Variants in UEVLD observed in about 807,000 individuals in gnomAD.
UEVLD encodes the protein ubiquitin-conjugating enzyme E2 variant 3.
In UEVLD, 47 loss-of-function variants were observed where a neutral mutation model predicts 58.6. That is an observed-to-expected ratio of 0.80 (90% CI 0.63 to 1.02). The LOEUF (loss-of-function observed/expected upper bound fraction) is 1.02. Ranked by LOEUF, UEVLD falls within the 50% of genes least tolerant of loss-of-function variation. UEVLD has a pLI of 0.00. For synonymous variants in UEVLD, 197 were observed against 195.3 expected (o/e 1.01, Z -0.07); for missense variants, 510 against 550.6 (o/e 0.93, Z 0.74).
At chr11:18,551,953 G>A in intron 7 of UEVLD, among the ~76,000 whole-genome samples, 1 of 152,100 alleles carries the variant, frequency 6.6e-6, no homozygotes, top group East Asian at 1.9e-4. Context: ...TTAAAACACT[G>A]CTGATTATTT....
chr11:18,588,478 G>C (rs1040985535), intron 1 of UEVLD, 135 bp downstream of exon 1: 2 of 1,061,952 alleles, frequency 1.9e-6, no homozygotes, highest in Non-Finnish European at 2.6e-6. Flanking sequence ...CCCCATAGCC[G>C]GTTTCAGACC....
intron 5 of UEVLD, 100 bp downstream of exon 5, chr11:18,566,246 CA>C: frequency 6.5e-7 from 1 of 1,530,426 alleles, no homozygotes; most frequent in Admixed American, 1.9e-5. Context: ...CATACGCACA[CA>C]AATTTATTTA....
In UEVLD at chr11:18,578,645, T is replaced by C. The variant is rs183136165; in HGVS notation, c.127+79A>G. 541 of 964,074 alleles carry C rather than the reference T, an allele frequency of 5.6e-4. 1 individual carries two copies. The African/African-American group carries it at 7.9e-3, about 14-fold the overall frequency. 59.7% of individuals were successfully genotyped at this position (964,074 alleles called of 1,614,324 possible). On this transcript the variant is annotated intron_variant, in intron 2 of 11. Coordinates refer to ENST00000396197, the MANE Select transcript of UEVLD (RefSeq NM_001040697.4). ...GAGGATAAAAGAGAAAAAGAGAAAT[T>C]ACAATTTTGCAGCTCTTTAGGACCA...
At chr11:18,586,040 C>G (rs1407586571) in intron 1 of UEVLD, among the ~76,000 whole-genome samples, 2 of 152,030 alleles carry the variant, frequency 1.3e-5, no homozygotes, top group Non-Finnish European at 2.9e-5. Flanking sequence ...ATGCATTGAC[C>G]CTATAGATAA....
At chr11:18,572,168 G>A (rs1590362664) in intron 3 of UEVLD, among the ~76,000 whole-genome samples, 1 of 152,084 alleles carries the variant, frequency 6.6e-6, no homozygotes, top group East Asian at 1.9e-4. Context: ...ACTGGGAGGC[G>A]GCGTTTGCAG....
At chr11:18,585,084 T>C (rs1853471978) in intron 1 of UEVLD, among the ~76,000 whole-genome samples, 1 of 152,116 alleles carries the variant, frequency 6.6e-6, no homozygotes, top group African/African-American at 2.4e-5. Context: ...TGAGATAGGG[T>C]CTTGCCATAT....
At chr11:18,545,064 C>CTATCTA (rs1554976299) in intron 8 of UEVLD, among the ~76,000 whole-genome samples, 7 of 20,224 alleles carry the variant, frequency 3.5e-4, no homozygotes, top group South Asian at 1.7e-3. Flanking sequence ...ATATCTATAT[C>CTATCTA]TATATCTATA....
intron 6 of UEVLD, among the ~76,000 whole-genome samples, chr11:18,563,342 G>C (rs983454690): frequency 1.3e-5 from 2 of 152,164 alleles, no homozygotes; most frequent in African/African-American, 4.8e-5. Context: ...TGTACTCCCA[G>C]CACTTTGGGA....
Position 18,545,446 on chromosome 11 carries a change from T to G in UEVLD, c.887-650A>C, listed in dbSNP as rs917927695. ...ATACATTTTACTGTGTTTTGTTTGT[T>G]TGTTTGTTTGTTTTTTGAGATGGAG... On this transcript the variant is annotated intron_variant, in intron 8 of 11. Transcript: ENST00000396197. Among the ~76,000 whole-genome samples the G allele has an allele frequency of 4.6e-5, 7 of 150,622 alleles. No individual in the cohort carries two copies. The East Asian group carries it at 1.4e-3, about 30-fold the overall frequency.
At chr11:18,551,848 G>A (rs191835100) in intron 7 of UEVLD, among the ~76,000 whole-genome samples, 2 of 152,264 alleles carry the variant, frequency 1.3e-5, no homozygotes, top group African/African-American at 4.8e-5. Context: ...AATCAAGTAT[G>A]TCAAAAGACC....
chr11:18,570,500 C>A, intron 3 of UEVLD, 123 bp from the exon 4 acceptor site: 1 of 903,980 alleles, frequency 1.1e-6, no homozygotes, highest in Non-Finnish European at 1.6e-6. Context: ...AATCCCAGCA[C>A]TTTGGGATGC....
chr11:18,569,140 C>T (rs202059745), intron 4 of UEVLD, among the ~76,000 whole-genome samples: 11 of 152,156 alleles, frequency 7.2e-5, no homozygotes, highest in Admixed American at 6.5e-4. Flanking sequence ...GTGATCCACC[C>T]GCCTCGGCCT....
rs1850491819 is a variant in UEVLD at position 18,529,747 on chromosome 11, A to T, written c.*2573T>A. 1.3e-5 allele frequency: 2 copies of T among 152,368 alleles called. No individual in the cohort carries two copies. Among genetic ancestry groups the T allele is most frequent in the Admixed American group, 6.5e-5 (1 of 15,306 alleles). 9.4% of individuals were successfully genotyped at this position (152,368 alleles called of 1,614,324 possible). On this transcript the variant is annotated 3_prime_UTR_variant, in exon 12 of 12. Coordinates refer to ENST00000396197, the MANE Select transcript of UEVLD (RefSeq NM_001040697.4). ...CACTAAAAATTATAACAAGCTCTGCATGATTTCATAAAAATGAAAACATGA... is the reference window on the plus strand; with the variant it reads ...CACTAAAAATTATAACAAGCTCTGCTTGATTTCATAAAAATGAAAACATGA...
intron 3 of UEVLD, 73 bp from the exon 4 acceptor site, chr11:18,570,450 T>G: frequency 7.3e-7 from 1 of 1,368,020 alleles, no homozygotes; most frequent in South Asian, 1.6e-5. Flanking sequence ...TAGGCGGCAT[T>G]TTAAGAAATG....
At chr11:18,546,762 G>A in intron 8 of UEVLD, 118 bp downstream of exon 8, 1 of 1,122,794 alleles carries the variant, frequency 8.9e-7, no homozygotes. Flanking sequence ...GACTCCCAGT[G>A]TTGGGATTAC....
rs970636061 is a variant in UEVLD, at chr11:18,530,956, A to C, written c.*1364T>G. ...TAGCCAGGATGATCTCAATCTCCTG[A>C]CCTCGTGATCTGCCCGCCTCAGCCT... On this transcript the variant is annotated 3_prime_UTR_variant, in exon 12 of 12. Coordinates refer to ENST00000396197, the MANE Select transcript of UEVLD (RefSeq NM_001040697.4). 2 of 152,030 alleles carry C rather than the reference A, an allele frequency of 1.3e-5. No individual in the cohort carries two copies. Among genetic ancestry groups the C allele is most frequent in the Non-Finnish European group, 2.9e-5 (2 of 68,048 alleles). The allele number at this position is 152,030 out of a possible 1,614,324, so 9.4% of individuals were successfully genotyped here.
intron 10 of UEVLD, among the ~76,000 whole-genome samples, chr11:18,535,715 A>G (rs1057159706): frequency 2.5e-4 from 37 of 145,524 alleles, no homozygotes; most frequent in Admixed American, 5.6e-4. Context: ...TCTGTGTGTT[A>G]CACTTTTTTT....
chr11:18,585,743 T>C (rs1236766596), intron 1 of UEVLD, among the ~76,000 whole-genome samples: 1 of 152,014 alleles, frequency 6.6e-6, no homozygotes, highest in Non-Finnish European at 1.5e-5. Context: ...GTTCAAGCGA[T>C]TCTCCTGCCT....
At position 18,578,704 on chromosome 11, in the gene UEVLD, C is replaced by G. The variant is rs369082354; in HGVS notation, c.127+20G>C. The G allele has an allele frequency of 1.6e-4, 256 of 1,560,458 alleles. No individual in the cohort carries two copies. The highest frequency in any genetic ancestry group is 2.1e-4 in the Non-Finnish European group (236 of 1,141,852). ...TAGTTCAAATAATGCAGCATTTAAA[C>G]TAGAGGATATGATTCTTACCATAGG... On this transcript the variant is annotated intron_variant, in intron 2 of 11. Coordinates refer to ENST00000396197, the MANE Select transcript of UEVLD (RefSeq NM_001040697.4).
Sources: allele counts gnomAD v4.1 joint callset (sites outside exome capture counted in the v4.1 genomes callset), GRCh38; gene constraint gnomAD v4.1.1; transcripts MANE v1.5; gene names NCBI Gene and HGNC (gene_info 2026-07-23, HGNC 2026-07-21).